Variants in PHKA1 observed in about 807,000 individuals in gnomAD.
PHKA1 encodes the protein phosphorylase kinase regulatory subunit alpha 1, also known as phosphorylase b kinase regulatory subunit alpha, skeletal muscle isoform.
A neutral mutation model predicts 110.2 loss-of-function variants in PHKA1; 60 were observed. That is an observed-to-expected ratio of 0.54 (90% CI 0.44 to 0.68). The LOEUF is 0.68. PHKA1 is among the 30% of genes least tolerant of loss of function. The pLI is 0.00. For synonymous variants in PHKA1, 316 were observed against 333.6 expected, an observed-to-expected ratio of 0.95 and a Z score of 0.58; for missense variants, 801 against 942.5, an observed-to-expected ratio of 0.85 and a Z score of 1.97.
At chrX:72,584,853 T>TA (rs1556209475) in intron 29 of PHKA1, among the ~76,000 whole-genome samples, 1 of 107,243 alleles carries the variant, frequency 9.3e-6, no homozygotes, top group Non-Finnish European at 1.9e-5. Context: ...CTGTACCCGT[T>TA]AACTCGTCAT....
At chrX:72,669,615 G>C (rs1257345409) in intron 6 of PHKA1, among the ~76,000 whole-genome samples, 1 of 97,688 alleles carries the variant, frequency 1.0e-5, no homozygotes, top group Non-Finnish European at 2.0e-5. Context: ...CCACCTATGA[G>C]TGAGAATATG....
chrX:72,602,091 G>T, intron 27 of PHKA1, 62 bp from the exon 28 acceptor site: 1 of 1,095,931 alleles, frequency 9.1e-7, no homozygotes, highest in Non-Finnish European at 1.3e-6. Context: ...ACCCAACAAA[G>T]TCTGATTCCA....
intron 5 of PHKA1, among the ~76,000 whole-genome samples, chrX:72,683,520 T>C (rs1387123743): frequency 8.9e-6 from 1 of 112,188 alleles, no homozygotes; most frequent in Admixed American, 9.4e-5. Context: ...ACTGCACATA[T>C]TTAAAGTGTA....
At position 72,690,854 on chromosome X, in the gene PHKA1, G is replaced by A. The variant is rs782344698; in HGVS notation, c.454+4854C>T. 3.1e-4 allele frequency among the ~76,000 whole-genome samples: 35 copies of A among 111,672 alleles called. 1 individual carries two copies. The South Asian group carries it at 0.011, about 37-fold the overall frequency. ...GTGATCTTGGCTCACTGCAACCTCC[G>A]CCTCCCGGGTTCAAGCGATTCTCCT... is the stretch of plus-strand genomic sequence containing the variant. On this transcript the variant is annotated intron_variant, in intron 4 of 31. Coordinates refer to ENST00000373542, the MANE Select transcript of PHKA1 (RefSeq NM_002637.4).
rs782583446 is a variant in PHKA1, at chrX:72,657,661, A to G, written c.865-20T>C. 1.7e-6 allele frequency: 2 copies of G among 1,186,121 alleles called. No homozygotes were observed. The highest frequency in any genetic ancestry group is 1.1e-6 in the Non-Finnish European group (1 of 872,239). On this transcript the variant is annotated intron_variant, in intron 8 of 31. Coordinates refer to ENST00000373542, the MANE Select transcript of PHKA1 (RefSeq NM_002637.4). ...ACGACCCTGGGAATACAAAGAAAAA[A>G]GGTCAGCAGCTTGTACACTGGTACG...
At chrX:72,607,569 T>A (rs2052748120) in intron 23 of PHKA1, among the ~76,000 whole-genome samples, 1 of 112,020 alleles carries the variant, frequency 8.9e-6, no homozygotes, top group Non-Finnish European at 1.9e-5. Flanking sequence ...TAAAACAGAC[T>A]ATTAGATTTT....
chrX:72,611,053 C>T lies in PHKA1; in HGVS notation c.2501G>A (p.Arg834Lys). The change falls in exon 22 of 32, where the codon AGG becomes AAG. Residue 834 changes from arginine (R) to lysine (K), a missense_variant. Around this residue, in one of 2 missense-constraint regions of PHKA1, gnomAD observed 502 missense variants for 519.2 expected, o/e 0.97. Transcript: ENST00000373542. ...CTCATCAAGTGCTTCCACTTTCTTCCTTAAGATCCCAGAAATGTATCGGAT... is the reference window on the plus strand; with the variant it reads ...CTCATCAAGTGCTTCCACTTTCTTCTTTAAGATCCCAGAAATGTATCGGAT... ...GLIRYISGIL[R>K]KKVEALDEAC... is the part of the protein sequence containing the mutation. The T allele has an allele frequency of 8.3e-7, 1 of 1,207,989 alleles. No individual in the cohort carries two copies. The highest frequency in any genetic ancestry group is 1.1e-6 in the Non-Finnish European group (1 of 892,677).
intron 5 of PHKA1, among the ~76,000 whole-genome samples, chrX:72,677,786 T>C (rs1556312493): frequency 9.0e-6 from 1 of 111,333 alleles, no homozygotes; most frequent in Non-Finnish European, 1.9e-5. Flanking sequence ...ACATGGTAGG[T>C]CCTGCCTGCA....
In PHKA1 at chrX:72,612,462, A is replaced by G. The variant is rs146323193; in HGVS notation, c.2370-1278T>C. Among the ~76,000 whole-genome samples, 441 of 111,983 alleles carry G rather than the reference A, an allele frequency of 3.9e-3. 1 individual carries two copies. Among genetic ancestry groups the G allele is most frequent in the East Asian group, 0.021 (73 of 3,537 alleles). On this transcript the variant is annotated intron_variant, in intron 21 of 31. Transcript: ENST00000373542. ...CCATTTAATTGTACAGTTAAAAAAT[A>G]CCTATTTTTTGATCTATCAATTCGA... is the stretch of plus-strand genomic sequence containing the variant.
chrX:72,711,104 G>C (rs887140253), intron 2 of PHKA1, among the ~76,000 whole-genome samples: 3 of 108,767 alleles, frequency 2.8e-5, no homozygotes, highest in African/African-American at 1.0e-4. Flanking sequence ...CTCGTGATCC[G>C]CCCGCCTCGG....
At chrX:72,590,764 C>A (rs191534990) in intron 29 of PHKA1, among the ~76,000 whole-genome samples, 6,169 of 112,052 alleles carry the variant, frequency 0.055, 400 homozygotes, top group African/African-American at 0.19. Flanking sequence ...TATGAACAGA[C>A]ACTTCTCAAA....
At chrX:72,666,061 ACAGACAC>A in intron 8 of PHKA1, 83 bp downstream of exon 8, 1 of 888,485 alleles carries the variant, frequency 1.1e-6, no homozygotes, top group Non-Finnish European at 1.6e-6. Context: ...TCTTGAAATC[ACAGACAC>A]AGGTCATACT....
intron 2 of PHKA1, 53 bp downstream of exon 2, chrX:72,712,726 C>G: frequency 8.8e-7 from 1 of 1,137,999 alleles, no homozygotes; most frequent in East Asian, 3.0e-5. Context: ...ACTCTGCCCC[C>G]AACCCCCAAT....
intron 6 of PHKA1, among the ~76,000 whole-genome samples, chrX:72,673,440 TTACAAAA>T (rs2053732317): frequency 9.0e-6 from 1 of 111,477 alleles, no homozygotes; most frequent in African/African-American, 3.3e-5. Context: ...TCACAAATGA[TTACAAAA>T]TAAAAAGTAA....
At chrX:72,685,550 A>G (rs973370008) in intron 4 of PHKA1, among the ~76,000 whole-genome samples, 10 of 112,246 alleles carry the variant, frequency 8.9e-5, no homozygotes, top group Non-Finnish European at 1.7e-4. Context: ...AGAAAACTGC[A>G]GGATATATTT....
At chrX:72,590,900 A>C in intron 29 of PHKA1, among the ~76,000 whole-genome samples, 2 of 112,125 alleles carry the variant, frequency 1.8e-5, no homozygotes, top group Non-Finnish European at 3.8e-5. Flanking sequence ...ATCATTAAAA[A>C]GTCAGGAAAC....
chrX:72,713,669 G>GTCAC (rs1556335716), intron 1 of PHKA1, 134 bp downstream of exon 1: 2 of 253,503 alleles, frequency 7.9e-6, no homozygotes, highest in Non-Finnish European at 1.5e-5. Context: ...CAAGGTCTCC[G>GTCAC]TCACACACAC....
chrX:72,606,562 AT>A (rs1286703422), intron 23 of PHKA1, among the ~76,000 whole-genome samples: 7 of 110,051 alleles, frequency 6.4e-5, no homozygotes, highest in African/African-American at 2.0e-4. Context: ...TTTTCTTTAA[AT>A]TTTTTTTTAA....
intron 6 of PHKA1, 28 bp downstream of exon 6, chrX:72,676,042 C>T (rs1569447735): frequency 9.0e-7 from 1 of 1,109,550 alleles, no homozygotes; most frequent in East Asian, 3.0e-5. Flanking sequence ...TCATCCCATA[C>T]TTAGTACAAA....
Sources: gnomAD v4.1 joint callset for allele counts (sites outside exome capture counted in the v4.1 genomes callset) on GRCh38, gnomAD v4.1.1 for gene constraint, gnomAD v4.1.1 regional missense constraint, MANE v1.5 for transcripts, NCBI Gene and HGNC (gene_info 2026-07-23, HGNC 2026-07-21) for gene names.